The following LUM variants were observed in gnomAD, a reference collection of about 807,000 sequenced individuals.
LUM encodes the protein lumican.
LUM carries 13 observed loss-of-function variants against 20.5 expected under a neutral mutation model. That is an observed-to-expected ratio of 0.63 (90% confidence interval 0.41 to 1.01). The LOEUF is 1.01. LUM is among the 50% of genes least tolerant of loss of function. LUM has a pLI of 0.00. For synonymous variants in LUM, 173 were observed against 151.5 expected (o/e 1.14, Z -1.04); for missense variants, 321 against 391.1 (o/e 0.82, Z 1.51).
chr12:91,109,041 A>G (rs994789542), intron 1 of LUM, 41 bp from the exon 2 acceptor site: 4 of 1,335,800 alleles, frequency 3.0e-6, no homozygotes, highest in Non-Finnish European at 4.1e-6. Context: ...AAAAATATAT[A>G]CTTTCAAGAA....
intron 2 of LUM, among the ~76,000 whole-genome samples, chr12:91,107,151 A>AG (rs1376106129): frequency 4.0e-5 from 6 of 148,548 alleles, no homozygotes; most frequent in Non-Finnish European, 7.4e-5. Flanking sequence ...GTCAAAAAAA[A>AG]AAAGAAAGAA....
At chr12:91,107,130 A>T (rs1234789790) in intron 2 of LUM, among the ~76,000 whole-genome samples, 1 of 147,656 alleles carries the variant, frequency 6.8e-6, no homozygotes, top group Non-Finnish European at 1.5e-5. Flanking sequence ...TGGGCGACAG[A>T]GTGAGACCCT....
intron 2 of LUM, among the ~76,000 whole-genome samples, chr12:91,107,734 A>G (rs1661507977): frequency 6.6e-6 from 1 of 151,308 alleles, no homozygotes; most frequent in African/African-American, 2.4e-5. Context: ...TTTTTTTTCC[A>G]AGACAGAATC....
In LUM at chr12:91,104,108, A is replaced by G; in HGVS notation, c.*57T>C. On this transcript the variant is annotated 3_prime_UTR_variant, in exon 3 of 3. Coordinates refer to ENST00000266718, the MANE Select transcript of LUM (RefSeq NM_002345.4). ...TAAACAGTAATAAAATATGGATACT[A>G]TGAAAACTGACACACAGAAAAACAT... is the stretch of plus-strand genomic sequence containing the variant. The G allele has an allele frequency of 7.1e-7, 1 of 1,401,168 alleles. No homozygotes were observed. Among genetic ancestry groups the G allele is most frequent in the Middle Eastern group, 1.8e-4 (1 of 5,578 alleles). 86.8% of individuals were successfully genotyped at this position (1,401,168 alleles called of 1,614,324 possible). A position where few individuals can be genotyped will look rare whatever the true frequency, so the allele number is the denominator to read the frequency against.
At chr12:91,109,652 A>G (rs1880160329) in intron 1 of LUM, among the ~76,000 whole-genome samples, 1 of 152,214 alleles carries the variant, frequency 6.6e-6, no homozygotes, top group Non-Finnish European at 1.5e-5. Flanking sequence ...TGGAACTAAT[A>G]TTTCATAAAT....
chr12:91,102,924 T>G lies in LUM; in HGVS notation c.*1241A>C, dbSNP rs1879940506. 6.6e-6 allele frequency: 1 copy of G among 152,112 alleles called. No individual in the cohort carries two copies. Among genetic ancestry groups the G allele is most frequent in the Non-Finnish European group, 1.5e-5 (1 of 67,968 alleles). The allele number at this position is 152,112 out of a possible 1,614,324, so 9.4% of individuals were successfully genotyped here. A position where few individuals can be genotyped will look rare whatever the true frequency, so the allele number is the denominator to read the frequency against. ...ATTTTATTTGTACTAGACACATATTTGACTATATATACACTGGTATGGGAT... is the reference window on the plus strand; with the variant it reads ...ATTTTATTTGTACTAGACACATATTGGACTATATATACACTGGTATGGGAT... On this transcript the variant is annotated 3_prime_UTR_variant, in exon 3 of 3. Transcript: ENST00000266718.
In LUM at chr12:91,108,305, G is replaced by A; in HGVS notation, c.675C>T (p.Phe225=). Residue 225 remains phenylalanine (F), a synonymous_variant, in exon 2 of 3, where the codon TTC becomes TTT. Transcript: ENST00000266718. The surrounding 1 kb of genome is among the most constrained non-coding windows in gnomAD (Gnocchi z 4.2). ...GATACTGCAATGCATTAAAACGCTT[G>A]AAATACTCATCAGGGATGTTGCTGA... The part of the protein sequence containing the change: ...NKISNIPDEY[F]KRFNALQYLR... The A allele has an allele frequency of 6.2e-7, 1 of 1,614,150 alleles. No individual in the cohort carries two copies.
Position 91,104,332 on chromosome 12 carries a change from G to A in LUM, c.863-13C>T, listed in dbSNP as rs766830259. The A allele has an allele frequency of 1.8e-5, 28 of 1,597,720 alleles. No homozygotes were observed. Among genetic ancestry groups the A allele is most frequent in the East Asian group, 2.2e-5 (1 of 44,560 alleles). ...TTTATGTCAAACTCTAAAAATTAAAGAATAGAAAACATTAATCATTTTTCA... is the reference window on the plus strand; with the variant it reads ...TTTATGTCAAACTCTAAAAATTAAAAAATAGAAAACATTAATCATTTTTCA... On this transcript the variant is annotated splice_polypyrimidine_tract_variant and intron_variant, in intron 2 of 2. Coordinates refer to ENST00000266718, the MANE Select transcript of LUM (RefSeq NM_002345.4).
intron 2 of LUM, among the ~76,000 whole-genome samples, chr12:91,107,291 A>AAG (rs1565758436): frequency 4.5e-4 from 47 of 103,464 alleles, no homozygotes; most frequent in African/African-American, 9.1e-4. Context: ...AAGAAAGAGA[A>AAG]AGAAAGAAAG....
In LUM at chr12:91,108,938, A is replaced by G; in HGVS notation, c.42T>C (p.Gly14=). The G allele has an allele frequency of 6.2e-7, 1 of 1,613,724 alleles. No individual in the cohort carries two copies. The highest frequency in any genetic ancestry group is 8.5e-7 in the Non-Finnish European group (1 of 1,179,720). Residue 14 remains glycine, a synonymous_variant, in exon 2 of 3, where the codon GGT becomes GGC. Transcript: ENST00000266718. The surrounding 1 kb of genome is among the most constrained non-coding windows in gnomAD (Gnocchi z 4.2). The part of the protein sequence containing the change: ...SAFTLFLALI[G]GTSGQYYDYD... ...AATCATAGTACTGGCCACTGGTACC[A>G]CCAATCAATGCCAGGAAGAGAGTAA...
At chr12:91,107,199 A>AAAAAG (rs1555188571) in intron 2 of LUM, among the ~76,000 whole-genome samples, 1 of 46,388 alleles carries the variant, frequency 2.2e-5, no homozygotes, top group Non-Finnish European at 4.1e-5. Context: ...GAAGGAAAGA[A>AAAAAG]AAAGAAAGAA....
intron 2 of LUM, among the ~76,000 whole-genome samples, chr12:91,107,315 A>AAG (rs1880096175): frequency 1.4e-5 from 2 of 141,138 alleles, no homozygotes; most frequent in African/African-American, 5.6e-5. Context: ...GAAAGAAAGA[A>AAG]AGAAAGAAAG....
intron 2 of LUM, among the ~76,000 whole-genome samples, chr12:91,107,143 C>CA (rs773547125): frequency 0.023 from 1,476 of 63,248 alleles, 34 homozygotes; most frequent in African/African-American, 0.082. Flanking sequence ...GAGACCCTGT[C>CA]AAAAAAAAAA....
Position 91,108,096 on chromosome 12 carries a change from A to G in LUM, c.862+22T>C, listed in dbSNP as rs1880121840. The G allele has an allele frequency of 6.2e-7, 1 of 1,613,332 alleles. No homozygotes were observed. The highest frequency in any genetic ancestry group is 8.5e-7 in the Non-Finnish European group (1 of 1,179,594). ...TTAAACACTTGAGCACACATCAAAC[A>G]CAGGAACAGCTTTTTACTTACTCTC... On this transcript the variant is annotated intron_variant, in intron 2 of 2. Transcript: ENST00000266718. This position sits in a 1 kb window ranked among gnomAD's most constrained non-coding sequence, Gnocchi z 4.2.
intron 2 of LUM, among the ~76,000 whole-genome samples, chr12:91,107,338 A>T (rs969100622): frequency 1.1e-3 from 162 of 145,424 alleles, no homozygotes; most frequent in African/African-American, 3.9e-3. Context: ...AGAAAGAAAG[A>T]AAGAAAGGGA....
intron 1 of LUM, among the ~76,000 whole-genome samples, chr12:91,109,805 G>C (rs910506456): frequency 6.6e-6 from 1 of 152,132 alleles, no homozygotes; most frequent in African/African-American, 2.4e-5. Context: ...TTTTCAATTA[G>C]AGTTATAGTC....
At position 91,104,327 on chromosome 12, in the gene LUM, T is replaced by G; in HGVS notation, c.863-8A>C. 6.2e-7 allele frequency: 1 copy of G among 1,602,908 alleles called. No individual in the cohort carries two copies. The highest frequency in any genetic ancestry group is 1.1e-5 in the South Asian group (1 of 90,376). On this transcript the variant is annotated splice_region_variant and splice_polypyrimidine_tract_variant and intron_variant, in intron 2 of 2. Transcript: ENST00000266718. Reference sequence around the variant, plus strand: ...AGCTCTTTATGTCAAACTCTAAAAATTAAAGAATAGAAAACATTAATCATT... The same window carrying G: ...AGCTCTTTATGTCAAACTCTAAAAAGTAAAGAATAGAAAACATTAATCATT...
In LUM at chr12:91,110,189, G is replaced by C. The variant is rs191436548; in HGVS notation, c.-21-1189C>G. On this transcript the variant is annotated intron_variant, in intron 1 of 2. Coordinates refer to ENST00000266718, the MANE Select transcript of LUM (RefSeq NM_002345.4). ...TAGCCCTGGGAGATAAATCATTAAT[G>C]TGACGAAAGATCTACATTCTAATAG... 2.0e-5 allele frequency among the ~76,000 whole-genome samples: 3 copies of C among 152,280 alleles called. No individual in the cohort carries two copies. The East Asian group carries it at 5.8e-4, about 29-fold the overall frequency.
intron 1 of LUM, 34 bp downstream of exon 1, chr12:91,111,360 GTTAA>G (rs1292924011): frequency 6.6e-6 from 1 of 152,178 alleles, no homozygotes; most frequent in East Asian, 1.9e-4. Context: ...GTCCCAAACA[GTTAA>G]CATCCCCAGT....
Sources: gnomAD v4.1 joint callset for allele counts (sites outside exome capture counted in the v4.1 genomes callset) on GRCh38, gnomAD v4.1.1 for gene constraint, Gnocchi (gnomAD v3.1) non-coding constraint, MANE v1.5 for transcripts, NCBI Gene and HGNC (gene_info 2026-07-23, HGNC 2026-07-21) for gene names.